The following TMEM114 variants were observed in gnomAD, a reference collection of about 807,000 sequenced individuals.
TMEM114 encodes claudin-26.
A neutral mutation model predicts 6.2 loss-of-function variants in TMEM114; 6 were observed. The observed-to-expected ratio is 0.97, with a 90% confidence interval of 0.53 to 1.91. TMEM114 has a LOEUF of 1.91. TMEM114 is among the 40% of genes most tolerant of loss of function. The pLI is 0.01. For synonymous variants in TMEM114, 104 were observed against 73.0 expected, an observed-to-expected ratio of 1.42 and a Z score of -2.16; for missense variants, 218 against 158.3, an observed-to-expected ratio of 1.38 and a Z score of -2.02.
intron 2 of TMEM114, among the ~76,000 whole-genome samples, chr16:8,558,485 G>A (rs532989598): frequency 1.3e-5 from 2 of 152,174 alleles, no homozygotes; most frequent in African/African-American, 4.8e-5. Context: ...ATTGGTTTTA[G>A]GGCCCACCCT....
At chr16:8,554,883 T>C (rs1900958141) in intron 2 of TMEM114, among the ~76,000 whole-genome samples, 1 of 152,214 alleles carries the variant, frequency 6.6e-6, no homozygotes. Flanking sequence ...AAGCAGTTTG[T>C]CCTTCGTACC....
the TMEM114 span, among the ~76,000 whole-genome samples, chr16:8,530,276 C>G: frequency 1.3e-5 from 2 of 152,072 alleles, no homozygotes; most frequent in Non-Finnish European, 2.9e-5. Flanking sequence ...CTGGCATGAT[C>G]AAGTCAATTG....
downstream of TMEM114, among the ~76,000 whole-genome samples, chr16:8,534,210 G>A (rs1567191660): frequency 6.6e-6 from 1 of 152,196 alleles, no homozygotes; most frequent in East Asian, 1.9e-4. Context: ...GATGACTGGG[G>A]TAAGGATGTG....
At chr16:8,564,666 G>T (rs1487318885), downstream of TMEM114, among the ~76,000 whole-genome samples, 35 of 120,944 alleles carry the variant, frequency 2.9e-4, no homozygotes, top group Admixed American at 4.2e-4. Context: ...AGTGAGGGAG[G>T]GAGGGAATGA....
At chr16:8,554,843 A>C (rs1392431205) in intron 2 of TMEM114, among the ~76,000 whole-genome samples, 1 of 152,216 alleles carries the variant, frequency 6.6e-6, no homozygotes, top group Non-Finnish European at 1.5e-5. Context: ...TGCTGTCTTA[A>C]GGATGAGGAA....
intron 2 of TMEM114, among the ~76,000 whole-genome samples, chr16:8,556,419 A>G (rs1004439479): frequency 2.0e-5 from 3 of 152,196 alleles, no homozygotes; most frequent in Non-Finnish European, 2.9e-5. Context: ...AAAATGTTCT[A>G]GAACTAGATG....
chr16:8,562,691 A>G (rs1901300327), intron 2 of TMEM114, among the ~76,000 whole-genome samples: 1 of 151,380 alleles, frequency 6.6e-6, no homozygotes, highest in African/African-American at 2.5e-5. Flanking sequence ...TGAGTGAGGG[A>G]ATGAGTGAGT....
intron 3 of TMEM114, among the ~76,000 whole-genome samples, chr16:8,571,768 C>T (rs12446989): frequency 0.091 from 13,921 of 152,156 alleles, 834 homozygotes; most frequent in South Asian, 0.14. Flanking sequence ...GTGGCTGGAG[C>T]GAGGGTCTCC....
In TMEM114 at chr16:8,571,334, C is replaced by T. The variant is rs375870928; in HGVS notation, c.439+753G>A. On this transcript the variant is annotated intron_variant, in intron 3 of 3. Transcript: ENST00000620492. Reference sequence around the variant, plus strand: ...GACAAGTAAAAATTGTATGTATTTACGGTACACAGCATGAGGATTTGATAT... The same window carrying T: ...GACAAGTAAAAATTGTATGTATTTATGGTACACAGCATGAGGATTTGATAT... Among the ~76,000 whole-genome samples, 23 of 152,132 alleles carry T rather than the reference C, an allele frequency of 1.5e-4. No homozygotes were observed. The East Asian group carries it at 2.9e-3, about 19-fold the overall frequency.
chr16:8,535,857 C>T (rs985540935), downstream of TMEM114, among the ~76,000 whole-genome samples: 46 of 152,164 alleles, frequency 3.0e-4, no homozygotes, highest in Admixed American at 1.5e-3. Context: ...GTTTTAGCCC[C>T]GGCTCTTTGG....
At chr16:8,534,762 A>C (rs74007832), downstream of TMEM114, among the ~76,000 whole-genome samples, 1,603 of 152,316 alleles carry the variant, frequency 0.011, 34 homozygotes, top group African/African-American at 0.037. Flanking sequence ...CATTGAATTC[A>C]TGCAACTATC....
At chr16:8,535,730 T>G (rs1900337163), downstream of TMEM114, among the ~76,000 whole-genome samples, 1 of 152,196 alleles carries the variant, frequency 6.6e-6, no homozygotes, top group Admixed American at 6.5e-5. Flanking sequence ...TGCATAATTC[T>G]CATCAAGTCA....
chr16:8,537,330 G>T (rs1014571832), downstream of TMEM114, among the ~76,000 whole-genome samples: 1 of 151,872 alleles, frequency 6.6e-6, no homozygotes, highest in Admixed American at 6.6e-5. Flanking sequence ...ATGAAACCCC[G>T]TCTCTACTAA....
At chr16:8,577,686 C>G (rs1264844132) in intron 2 of TMEM114, among the ~76,000 whole-genome samples, 2 of 151,978 alleles carry the variant, frequency 1.3e-5, no homozygotes, top group African/African-American at 4.8e-5. Flanking sequence ...TGGGTTCAAG[C>G]AATTCTCCTG....
intron 2 of TMEM114, among the ~76,000 whole-genome samples, chr16:8,559,641 AAAAGAAG>A: frequency 2.6e-5 from 4 of 152,186 alleles, no homozygotes; most frequent in Non-Finnish European, 4.4e-5. Context: ...GTACTCTGTT[AAAAGAAG>A]CATTTCATTG....
At chr16:8,581,709 C>T (rs925091655) in intron 2 of TMEM114, among the ~76,000 whole-genome samples, 1 of 152,266 alleles carries the variant, frequency 6.6e-6, no homozygotes, top group Non-Finnish European at 1.5e-5. Flanking sequence ...CCACCTTGGC[C>T]TCCCAAATTG....
intron 2 of TMEM114, among the ~76,000 whole-genome samples, chr16:8,546,288 T>C (rs1407492693): frequency 2.6e-5 from 4 of 152,182 alleles, no homozygotes; most frequent in African/African-American, 9.7e-5. Flanking sequence ...AATCAACACA[T>C]ATAATTTGCA....
chr16:8,588,425 C>T (rs1241765981), intron 2 of TMEM114, among the ~76,000 whole-genome samples: 1 of 152,202 alleles, frequency 6.6e-6, no homozygotes, highest in Admixed American at 6.5e-5. Context: ...CTAATAACTT[C>T]ATAGGGTGTG....
At chr16:8,549,355 C>T (rs1900770943) in intron 2 of TMEM114, among the ~76,000 whole-genome samples, 1 of 151,592 alleles carries the variant, frequency 6.6e-6, no homozygotes, top group African/African-American at 2.4e-5. Flanking sequence ...CAAAAATTAG[C>T]CCGAAGTGGT....
Sources: gnomAD v4.1 joint callset for allele counts (sites outside exome capture counted in the v4.1 genomes callset) on GRCh38, gnomAD v4.1.1 for gene constraint, MANE v1.5 for transcripts, NCBI Gene and HGNC (gene_info 2026-07-23, HGNC 2026-07-21) for gene names.